The following CIMAP2 variants were observed in gnomAD, a reference collection of about 807,000 sequenced individuals.
The protein encoded by CIMAP2 is ciliary microtubule associated protein 2.
the CIMAP2 span, chr1:54,814,850 C>T: frequency 2.5e-6 from 4 of 1,606,314 alleles, no homozygotes; most frequent in African/African-American, 1.3e-5. Context: ...CCCTCACCTG[C>T]CCTGGGCCCA....
At chr1:54,806,959 G>A in the CIMAP2 span, 5 of 1,579,154 alleles carry the variant, frequency 3.2e-6, no homozygotes, top group African/African-American at 6.7e-5. Flanking sequence ...CCAGGTGCCA[G>A]GCACAGGGCT....
At chr1:54,820,354 T>G in the CIMAP2 span, among the ~76,000 whole-genome samples, 1 of 151,962 alleles carries the variant, frequency 6.6e-6, no homozygotes, top group Non-Finnish European at 1.5e-5. Flanking sequence ...TTTTGTTTTT[T>G]TTTTGTAGAG....
chr1:54,815,842 T>C, the CIMAP2 span, among the ~76,000 whole-genome samples: 1 of 149,798 alleles, frequency 6.7e-6, no homozygotes, highest in Non-Finnish European at 1.5e-5. Flanking sequence ...CCCCTGCCAT[T>C]CCCACCCCCA....
the CIMAP2 span, chr1:54,807,979 T>G: frequency 7.8e-4 from 1,243 of 1,596,158 alleles, 6 homozygotes; most frequent in African/African-American, 7.4e-3. Context: ...GCTGCTCAGC[T>G]CTGGGGAGGT....
At chr1:54,823,075 G>A in the CIMAP2 span, among the ~76,000 whole-genome samples, 8 of 152,174 alleles carry the variant, frequency 5.3e-5, no homozygotes, top group Non-Finnish European at 8.8e-5. Flanking sequence ...TTCTGCAAAT[G>A]CCTGTTAGGT....
At chr1:54,811,118 G>C in the CIMAP2 span, among the ~76,000 whole-genome samples, 6 of 152,170 alleles carry the variant, frequency 3.9e-5, no homozygotes, top group Admixed American at 2.0e-4. Flanking sequence ...CTATCCCATG[G>C]TACCAGTATG....
the CIMAP2 span, among the ~76,000 whole-genome samples, chr1:54,817,477 C>T: frequency 5.3e-5 from 8 of 152,326 alleles, no homozygotes; most frequent in Non-Finnish European, 1.2e-4. Flanking sequence ...GGTCCAGTCT[C>T]GGCTCTCAGT....
At chr1:54,827,576 C>T in the CIMAP2 span, among the ~76,000 whole-genome samples, 7 of 152,144 alleles carry the variant, frequency 4.6e-5, no homozygotes, top group Non-Finnish European at 8.8e-5. Flanking sequence ...CACTTAGCTG[C>T]GTGACCTGGG....
the CIMAP2 span, among the ~76,000 whole-genome samples, chr1:54,812,652 A>G: frequency 6.6e-6 from 1 of 152,220 alleles, no homozygotes; most frequent in African/African-American, 2.4e-5. Context: ...AACTTGAGGT[A>G]GAATTTTGTC....
the CIMAP2 span, chr1:54,806,136 C>T: frequency 6.5e-7 from 1 of 1,543,626 alleles, no homozygotes; most frequent in Non-Finnish European, 8.7e-7. Flanking sequence ...AGCCAGGATG[C>T]CGCCGGAGCT....
chr1:54,807,519 G>A, the CIMAP2 span: 2 of 1,531,630 alleles, frequency 1.3e-6, no homozygotes, highest in Admixed American at 2.2e-5. Context: ...ACCACACTCT[G>A]ACTCAGTCCC....
the CIMAP2 span, chr1:54,806,117 A>T: frequency 1.6e-5 from 24 of 1,535,020 alleles, no homozygotes; most frequent in African/African-American, 3.1e-4. Context: ...CAGGCCTGCC[A>T]TGAGGGAAAG....
chr1:54,820,991 A>G, the CIMAP2 span, among the ~76,000 whole-genome samples: 1 of 150,800 alleles, frequency 6.6e-6, no homozygotes, highest in African/African-American at 2.4e-5. Context: ...CTGGTCTTGA[A>G]CTCCTGACCT....
the CIMAP2 span, chr1:54,811,765 G>GCGGGGGGGGGGGGGCGCCCCCCCCCCC: frequency 7.7e-7 from 1 of 1,301,332 alleles, no homozygotes; most frequent in Non-Finnish European, 1.1e-6. Context: ...GGTTCTGACA[G>GCGGGGGGGGGGGGGCGCCCCCCCCCCC]CCTCCATGCC....
chr1:54,807,328 G>A, the CIMAP2 span, among the ~76,000 whole-genome samples: 1 of 152,216 alleles, frequency 6.6e-6, no homozygotes, highest in South Asian at 2.1e-4. Context: ...TGCAGTGTGA[G>A]GGGGCAGTGA....
At chr1:54,825,806 CCT>C in the CIMAP2 span, among the ~76,000 whole-genome samples, 288 of 151,966 alleles carry the variant, frequency 1.9e-3, 1 homozygote, top group Non-Finnish European at 3.2e-3. Context: ...TACTCTAGCC[CCT>C]GAGTAGTGCA....
At chr1:54,823,130 T>A in the CIMAP2 span, among the ~76,000 whole-genome samples, 1 of 151,860 alleles carries the variant, frequency 6.6e-6, no homozygotes, top group Non-Finnish European at 1.5e-5. Context: ...TTTCGTTGAT[T>A]TTCTGTTGGA....
At chr1:54,837,878 CA>C in the CIMAP2 span, among the ~76,000 whole-genome samples, 1 of 144,638 alleles carries the variant, frequency 6.9e-6, no homozygotes, top group Non-Finnish European at 1.5e-5. Flanking sequence ...CTAATCTATA[CA>C]GATCATTTCA....
chr1:54,807,486 CG>C, the CIMAP2 span: 4 of 1,457,994 alleles, frequency 2.7e-6, no homozygotes, highest in African/African-American at 5.7e-5. Context: ...GTAGACTGGG[CG>C]GGCGTGGCTG....
Sources: allele counts gnomAD v4.1 joint callset (sites outside exome capture counted in the v4.1 genomes callset), GRCh38; gene constraint gnomAD v4.1.1; transcripts MANE v1.5; gene names NCBI Gene and HGNC (gene_info 2026-07-23, HGNC 2026-07-21).